The following CPNE3 variants were observed in gnomAD, a reference collection of about 807,000 sequenced individuals.
The protein encoded by CPNE3 is copine 3, also known as copine-3.
Under a neutral mutation model 63.9 loss-of-function variants are expected in CPNE3, and 68 were observed. The observed-to-expected ratio is 1.06, with a 90% CI of 0.87 to 1.30. The LOEUF is 1.30. Among genes scored for constraint, CPNE3 ranks in the 50% most tolerant of loss-of-function variants. CPNE3 has a pLI of 0.00. For synonymous variants in CPNE3, 219 were observed against 197.5 expected (o/e 1.11, Z -0.91); for missense variants, 665 against 578.1 (o/e 1.15, Z -1.54).
At chr8:86,551,547 TATC>T in intron 14 of CPNE3, 1 of 216,088 alleles carries the variant, frequency 4.6e-6, no homozygotes, top group Non-Finnish European at 9.0e-6. Flanking sequence ...TCAGTAAAAA[TATC>T]ATATATTAAA....
intron 2 of CPNE3, among the ~76,000 whole-genome samples, chr8:86,526,476 C>T (rs1820542894): frequency 6.6e-6 from 1 of 151,232 alleles, no homozygotes; most frequent in Non-Finnish European, 1.5e-5. Context: ...ATACTAGGCA[C>T]ATATATAAAT....
chr8:86,525,177 G>T (rs1221368671), intron 2 of CPNE3, among the ~76,000 whole-genome samples: 1 of 151,998 alleles, frequency 6.6e-6, no homozygotes, highest in Non-Finnish European at 1.5e-5. Flanking sequence ...TTTTTGTAGA[G>T]ATGAGGTCTC....
intron 7 of CPNE3, 31 bp downstream of exon 7, chr8:86,537,677 A>C (rs1458846366): frequency 8.1e-7 from 1 of 1,232,130 alleles, no homozygotes; most frequent in African/African-American, 1.5e-5. Flanking sequence ...AGCAGAGTGG[A>C]GGTGTTCTTT....
intron 15 of CPNE3, among the ~76,000 whole-genome samples, chr8:86,555,636 G>A (rs1257501663): frequency 1.3e-5 from 2 of 152,056 alleles, no homozygotes; most frequent in African/African-American, 4.8e-5. Flanking sequence ...CACAATCTGG[G>A]GGATGATTTC....
chr8:86,548,259 C>T, intron 11 of CPNE3, 42 bp from the exon 12 acceptor site: 1 of 1,607,148 alleles, frequency 6.2e-7, no homozygotes, highest in South Asian at 1.1e-5. Context: ...CACAGGTGTC[C>T]CTGCCTTCTC....
Position 86,547,487 on chromosome 8 carries a change from A to G in CPNE3, c.820-224A>G, listed in dbSNP as rs972180798. 10 of 438,068 alleles carry G rather than the reference A, an allele frequency of 2.3e-5. 1 individual carries two copies. The highest frequency in any genetic ancestry group is 1.2e-3 in the Middle Eastern group (2 of 1,728). The allele number at this position is 438,068 out of a possible 1,614,324, so 27.1% of individuals were successfully genotyped here. A position where few individuals can be genotyped will look rare whatever the true frequency, so the allele number is the denominator to read the frequency against. ...AAATGAGTGTATTTCATCTTTCGCC[A>G]TTAGTATTCTAATCTTAACATTGCT... On this transcript the variant is annotated intron_variant, in intron 10 of 16. Coordinates refer to ENST00000517490, the MANE Select transcript of CPNE3 (RefSeq NM_003909.5).
intron 6 of CPNE3, among the ~76,000 whole-genome samples, chr8:86,533,054 A>ATCTATCTC (rs1554600735): frequency 1.7e-4 from 26 of 150,798 alleles, no homozygotes; most frequent in African/African-American, 6.3e-4. Flanking sequence ...CTATCTATCT[A>ATCTATCTC]TCTATCTATC....
chr8:86,539,670 T>TG (rs1423858262), intron 7 of CPNE3, among the ~76,000 whole-genome samples: 3 of 146,668 alleles, frequency 2.0e-5, no homozygotes, highest in African/African-American at 7.6e-5. Flanking sequence ...GTTTTTTTTT[T>TG]TTTTTTTTTT....
At chr8:86,544,494 TTG>T (rs902860903) in intron 8 of CPNE3, among the ~76,000 whole-genome samples, 2 of 152,110 alleles carry the variant, frequency 1.3e-5, no homozygotes, top group Non-Finnish European at 2.9e-5. Flanking sequence ...GAAACAGTAT[TTG>T]TGTTTTTCAT....
At chr8:86,556,778 C>T (rs893072843) in intron 16 of CPNE3, among the ~76,000 whole-genome samples, 1 of 152,080 alleles carries the variant, frequency 6.6e-6, no homozygotes, top group African/African-American at 2.4e-5. Context: ...CATAAGGATC[C>T]CCCTGGTTGC....
chr8:86,523,344 C>T (rs895366174), intron 2 of CPNE3, among the ~76,000 whole-genome samples: 6 of 152,194 alleles, frequency 3.9e-5, no homozygotes, highest in Admixed American at 2.0e-4. Flanking sequence ...GAATGACACA[C>T]GCTGACTCCA....
chr8:86,545,955 TG>T (rs1419128931), intron 9 of CPNE3, among the ~76,000 whole-genome samples: 1 of 152,066 alleles, frequency 6.6e-6, no homozygotes, highest in Non-Finnish European at 1.5e-5. Context: ...AGAGTAGCAG[TG>T]GAAGTTACAG....
intron 8 of CPNE3, among the ~76,000 whole-genome samples, chr8:86,541,960 G>A (rs1820951205): frequency 6.6e-6 from 1 of 152,032 alleles, no homozygotes; most frequent in South Asian, 2.1e-4. Context: ...TAAATCTAGG[G>A]GAAAATGTCT....
intron 2 of CPNE3, among the ~76,000 whole-genome samples, chr8:86,517,434 C>T (rs1563682584): frequency 6.6e-6 from 1 of 152,130 alleles, no homozygotes; most frequent in Admixed American, 6.6e-5. Context: ...ATTTCACCTT[C>T]CCTGGCTTTT....
intron 2 of CPNE3, among the ~76,000 whole-genome samples, chr8:86,526,727 G>A (rs1218183575): frequency 6.6e-6 from 1 of 152,120 alleles, no homozygotes; most frequent in East Asian, 1.9e-4. Context: ...GACCAGGCCG[G>A]TCTTGAACTC....
chr8:86,554,296 A>G (rs1821262285), intron 14 of CPNE3, among the ~76,000 whole-genome samples: 3 of 152,222 alleles, frequency 2.0e-5, no homozygotes, highest in Admixed American at 6.5e-5. Context: ...AGCAAAATGG[A>G]TAAGTAACCT....
At position 86,531,210 on chromosome 8, in the gene CPNE3, C is replaced by A. The variant is rs1820676069; in HGVS notation, c.368C>A (p.Ala123Glu). ...CTGGTGATGAAAACTGGCAGACCTG[C>A]AGGAAAAGGGAGCATTACGGTAAAA... ...RPLVMKTGRP[A>E]GKGSITISAE... is the part of the protein sequence containing the mutation. The change falls in exon 5 of 17, where the codon GCA becomes GAA. Residue 123 changes from alanine (A) to glutamate (E), a missense_variant. Ala to Glu is a moderately radical substitution (Grantham distance 107, BLOSUM62 -1). Transcript: ENST00000517490. 4 of 1,262,178 alleles carry A rather than the reference C, an allele frequency of 3.2e-6. No individual in the cohort carries two copies. The highest frequency in any genetic ancestry group is 1.9e-4 in the Middle Eastern group (1 of 5,402). 78.2% of individuals were successfully genotyped at this position (1,262,178 alleles called of 1,614,324 possible).
In CPNE3 at chr8:86,538,699, C is replaced by T. The variant is rs187242520; in HGVS notation, c.543+1053C>T. On this transcript the variant is annotated intron_variant, in intron 7 of 16. Transcript: ENST00000517490. ...AGAATGTCCAACATTCTGGATTCTT[C>T]TGTTTCCTCACAACTAGATCCAGAT... Among the ~76,000 whole-genome samples the T allele has an allele frequency of 1.8e-3, 271 of 152,280 alleles. 3 individuals are homozygous for T. In the East Asian group the frequency reaches 0.033, roughly 18 times the overall value.
chr8:86,519,384 A>G (rs1173987660), intron 2 of CPNE3, among the ~76,000 whole-genome samples: 1 of 152,222 alleles, frequency 6.6e-6, no homozygotes, highest in Non-Finnish European at 1.5e-5. Context: ...ACACCTGTTA[A>G]TTCCTGCTTT....
Sources: allele counts gnomAD v4.1 joint callset (sites outside exome capture counted in the v4.1 genomes callset), GRCh38; gene constraint gnomAD v4.1.1; transcripts MANE v1.5; gene names NCBI Gene and HGNC (gene_info 2026-07-23, HGNC 2026-07-21).